The following MBD5 variants were observed in gnomAD, a reference collection of about 807,000 sequenced individuals.
MBD5 encodes the protein methyl-CpG binding domain protein 5.
In MBD5, 13 loss-of-function variants were observed where a neutral mutation model predicts 117.3. That is an observed-to-expected ratio of 0.11 (90% CI 0.07 to 0.18). The LOEUF (loss-of-function observed/expected upper bound fraction) is 0.18. Among genes scored for constraint, MBD5 ranks in the 10% least tolerant of loss-of-function variants. MBD5 has a pLI of 1.00. For missense variants in MBD5, 1,879 were observed against 2,093.8 expected, an observed-to-expected ratio of 0.90 and a Z score of 2.00; for synonymous variants, 727 against 766.4, an observed-to-expected ratio of 0.95 and a Z score of 0.85.
intron 1 of MBD5, among the ~76,000 whole-genome samples, chr2:148,147,200 T>C (rs147433266): frequency 3.4e-4 from 51 of 152,130 alleles, no homozygotes; most frequent in African/African-American, 1.2e-3. Flanking sequence ...TATCATAATT[T>C]GTTGTCAAAA....
intron 3 of MBD5, among the ~76,000 whole-genome samples, chr2:148,294,630 G>A (rs535084190): frequency 1.3e-5 from 2 of 151,562 alleles, no homozygotes; most frequent in South Asian, 2.1e-4. Context: ...AGCCTCCCGA[G>A]TAGCTGATAT....
intron 3 of MBD5, among the ~76,000 whole-genome samples, chr2:148,251,718 TA>T (rs1336135871): frequency 1.3e-5 from 2 of 152,190 alleles, no homozygotes; most frequent in African/African-American, 4.8e-5. Context: ...TTAGTATGTG[TA>T]AAAATGTTTA....
intron 4 of MBD5, among the ~76,000 whole-genome samples, chr2:148,390,652 G>T (rs545022477): frequency 6.6e-6 from 1 of 151,266 alleles, no homozygotes; most frequent in African/African-American, 2.4e-5. Context: ...CTCAGCTCAC[G>T]GTAACCGTGA....
chr2:148,196,850 G>GGTGT lies in MBD5; in HGVS notation c.-831+18072_-831+18075dup, dbSNP rs78006542. On this transcript the variant is annotated intron_variant, in intron 2 of 13. Transcript: ENST00000642680. ...AGGGAGTGGGGGTGCCATTTGCACT[G>GGTGT]GTGTGTGTGTGTGTGTGTATAAACA... Among the ~76,000 whole-genome samples, 278 of 151,030 alleles carry GGTGT rather than the reference G, an allele frequency of 1.8e-3. 1 individual carries two copies. Among genetic ancestry groups the GGTGT allele is most frequent in the East Asian group, 0.012 (62 of 5,130 alleles).
At chr2:148,203,992 T>C (rs78723884) in intron 2 of MBD5, among the ~76,000 whole-genome samples, 1 of 152,168 alleles carries the variant, frequency 6.6e-6, no homozygotes, top group African/African-American at 2.4e-5. Context: ...AGTATAAGGG[T>C]CAAACCTGAA....
At chr2:148,075,467 T>G (rs1472796425) in intron 1 of MBD5, among the ~76,000 whole-genome samples, 1 of 152,188 alleles carries the variant, frequency 6.6e-6, no homozygotes, top group Non-Finnish European at 1.5e-5. Context: ...TATTAAAACT[T>G]TTTTCATCCG....
rs1319768385 is a variant in MBD5, at chr2:148,151,115, C to T, written c.-924-27585C>T. ...GCTCTTATTATTTTGAAATACGTCC[C>T]ATCAATACCTAATTTATTGAGAGTT... On this transcript the variant is annotated intron_variant, in intron 1 of 13. Transcript: ENST00000642680. 4.0e-5 allele frequency among the ~76,000 whole-genome samples: 6 copies of T among 149,704 alleles called. No homozygotes were observed. The Admixed American group carries it at 4.0e-4, about 10-fold the overall frequency.
Position 148,468,715 on chromosome 2 carries a change from C to T in MBD5, c.772C>T (p.His258Tyr), listed in dbSNP as rs1680678254. 6.2e-7 allele frequency: 1 copy of T among 1,613,842 alleles called. No homozygotes were observed. The highest frequency in any genetic ancestry group is 8.5e-7 in the Non-Finnish European group (1 of 1,179,922). Reference protein sequence around the residue: ...DVFTRSNPGFHGAPNSSPIHL... With the variant: ...DVFTRSNPGFYGAPNSSPIHL... ...TTTCACAAGAAGTAATCCTGGTTTT[C>T]ATGGAGCTCCCAATTCTAGTCCTAT... The change falls in exon 8 of 14, where the codon CAT (histidine) becomes TAT (tyrosine). Residue 258 changes from histidine to tyrosine, a missense_variant. Transcript: ENST00000642680.
At chr2:148,241,139 T>C (rs547034288) in intron 3 of MBD5, among the ~76,000 whole-genome samples, 2 of 152,182 alleles carry the variant, frequency 1.3e-5, no homozygotes, top group African/African-American at 4.8e-5. Context: ...GTATGTTAGA[T>C]ATAGATGACA....
At chr2:148,261,325 C>G (rs915158994) in intron 3 of MBD5, among the ~76,000 whole-genome samples, 2 of 152,210 alleles carry the variant, frequency 1.3e-5, no homozygotes, top group Non-Finnish European at 2.9e-5. Context: ...GCTGTTTCAA[C>G]TACACTGAAA....
intron 3 of MBD5, among the ~76,000 whole-genome samples, chr2:148,306,138 T>A (rs1574264953): frequency 6.6e-6 from 1 of 152,314 alleles, no homozygotes; most frequent in East Asian, 1.9e-4. Context: ...CCACCAGATT[T>A]TGCCACCTAT....
chr2:148,108,224 C>G (rs577883661), intron 1 of MBD5, among the ~76,000 whole-genome samples: 1 of 152,082 alleles, frequency 6.6e-6, no homozygotes, highest in Non-Finnish European at 1.5e-5. Flanking sequence ...CATTTTGGAT[C>G]TAATACAAAT....
At chr2:148,357,740 C>G (rs2105281032) in intron 4 of MBD5, among the ~76,000 whole-genome samples, 1 of 152,004 alleles carries the variant, frequency 6.6e-6, no homozygotes, top group Non-Finnish European at 1.5e-5. Flanking sequence ...CATTTTTAAT[C>G]TACCTACTGG....
At chr2:148,315,517 G>A (rs928995396) in intron 3 of MBD5, among the ~76,000 whole-genome samples, 1 of 152,062 alleles carries the variant, frequency 6.6e-6, no homozygotes, top group Non-Finnish European at 1.5e-5. Context: ...TGTTTATCCT[G>A]GGCCTTCCAG....
At chr2:148,314,807 T>C (rs1395033084) in intron 3 of MBD5, among the ~76,000 whole-genome samples, 1 of 152,154 alleles carries the variant, frequency 6.6e-6, no homozygotes, top group Non-Finnish European at 1.5e-5. Flanking sequence ...ATAGCATAAC[T>C]CTAAAGTTTC....
intron 1 of MBD5, among the ~76,000 whole-genome samples, chr2:148,175,065 A>C (rs915474512): frequency 3.9e-5 from 6 of 152,168 alleles, no homozygotes; most frequent in African/African-American, 1.2e-4. Flanking sequence ...GAATGGATAA[A>C]AAGTAGAGTA....
intron 3 of MBD5, among the ~76,000 whole-genome samples, chr2:148,312,718 G>C (rs148074847): frequency 5.5e-4 from 83 of 152,274 alleles, no homozygotes; most frequent in Non-Finnish European, 9.1e-4. Context: ...TGATCCTATG[G>C]AGGAGAAGCA....
At chr2:148,382,853 C>T (rs1704197742) in intron 4 of MBD5, among the ~76,000 whole-genome samples, 1 of 151,924 alleles carries the variant, frequency 6.6e-6, no homozygotes, top group Non-Finnish European at 1.5e-5. Flanking sequence ...TCCTGAATGA[C>T]TACTGGGTAC....
At chr2:148,140,734 A>C (rs1338573813) in intron 1 of MBD5, among the ~76,000 whole-genome samples, 11 of 152,128 alleles carry the variant, frequency 7.2e-5, no homozygotes, top group Admixed American at 4.6e-4. Flanking sequence ...TGTCTTAAGT[A>C]ATGTGAACTT....
Sources: allele counts gnomAD v4.1 joint callset (sites outside exome capture counted in the v4.1 genomes callset), GRCh38; gene constraint gnomAD v4.1.1; transcripts MANE v1.5; gene names NCBI Gene and HGNC (gene_info 2026-07-23, HGNC 2026-07-21).